The following ASAP1 variants were observed in gnomAD, a reference collection of about 807,000 sequenced individuals.
ASAP1 encodes arf-GAP with SH3 domain, ANK repeat and PH domain-containing protein 1.
ASAP1 carries 43 observed loss-of-function variants against 145.2 expected under a neutral mutation model. The ratio of observed to expected loss-of-function variants is 0.30; its 90% CI spans 0.23 to 0.38. The LOEUF (loss-of-function observed/expected upper bound fraction) is 0.38, where lower values mean the gene tolerates loss of function less well. ASAP1 is among the 10% of genes least tolerant of loss of function. ASAP1 has a pLI of 1.00. For synonymous variants in ASAP1, 546 were observed against 515.5 expected (o/e 1.06, Z -0.80); for missense variants, 1,018 against 1,355.3 (o/e 0.75, Z 3.91).
chr8:130,144,446 T>C (rs1451620469), intron 13 of ASAP1, among the ~76,000 whole-genome samples: 1 of 152,232 alleles, frequency 6.6e-6, no homozygotes, highest in East Asian at 1.9e-4. Flanking sequence ...AACTAACCTA[T>C]GTTTTACAAA....
chr8:130,239,367 A>G lies in ASAP1; in HGVS notation c.187-2373T>C, dbSNP rs538214913. Among the ~76,000 whole-genome samples, 4 of 152,270 alleles carry G rather than the reference A, an allele frequency of 2.6e-5. No homozygotes were observed. The East Asian group carries it at 7.7e-4, about 29-fold the overall frequency. ...TTAATTCTCACAAAAGTCCTGTGAA[A>G]TAAATATTCTTATTATATCCATTTT... On this transcript the variant is annotated intron_variant, in intron 3 of 29. Coordinates refer to ENST00000518721, the MANE Select transcript of ASAP1 (RefSeq NM_018482.4).
intron 1 of ASAP1, among the ~76,000 whole-genome samples, chr8:130,424,886 G>A (rs1009470066): frequency 1.3e-5 from 2 of 152,004 alleles, no homozygotes; most frequent in African/African-American, 2.4e-5. Context: ...CCAGCTACTC[G>A]GGAGGCTGAG....
intron 27 of ASAP1, among the ~76,000 whole-genome samples, chr8:130,070,288 T>C (rs550992979): frequency 3.9e-5 from 6 of 152,136 alleles, no homozygotes; most frequent in Admixed American, 6.5e-5. Flanking sequence ...CTGCCCACCT[T>C]GGCCTCTCAA....
intron 2 of ASAP1, among the ~76,000 whole-genome samples, chr8:130,393,648 C>T (rs1253521632): frequency 3.3e-5 from 5 of 152,058 alleles, no homozygotes; most frequent in African/African-American, 9.7e-5. Flanking sequence ...CCCAGCTGCT[C>T]GGGAGGCTGA....
chr8:130,431,983 G>A (rs1830151719), intron 1 of ASAP1, among the ~76,000 whole-genome samples: 1 of 125,890 alleles, frequency 7.9e-6, no homozygotes, highest in Non-Finnish European at 1.7e-5. Context: ...AGGGGAAGGG[G>A]AGGAAAGAAG....
chr8:130,172,870 TC>T (rs1188786600), intron 9 of ASAP1, among the ~76,000 whole-genome samples: 1 of 152,252 alleles, frequency 6.6e-6, no homozygotes, highest in African/African-American at 2.4e-5. Flanking sequence ...AAATTTACTT[TC>T]CTTCTGCTTC....
chr8:130,276,178 T>C (rs966764469), intron 3 of ASAP1, among the ~76,000 whole-genome samples: 4 of 152,202 alleles, frequency 2.6e-5, no homozygotes, highest in Admixed American at 6.5e-5. Context: ...ATGATGTTCC[T>C]GGGCACAGCA....
chr8:130,075,669 A>G (rs1050822995), intron 27 of ASAP1, among the ~76,000 whole-genome samples: 3 of 152,266 alleles, frequency 2.0e-5, no homozygotes, highest in African/African-American at 7.2e-5. Flanking sequence ...CAAAAAAGGC[A>G]TAACTATCAC....
intron 3 of ASAP1, among the ~76,000 whole-genome samples, chr8:130,308,536 T>C (rs1356235186): frequency 1.3e-5 from 2 of 152,224 alleles, no homozygotes; most frequent in Admixed American, 1.3e-4. Flanking sequence ...GATAAAACAA[T>C]AGTTTATAGT....
intron 4 of ASAP1, among the ~76,000 whole-genome samples, chr8:130,217,932 G>A (rs538382358): frequency 6.6e-6 from 1 of 152,204 alleles, no homozygotes; most frequent in South Asian, 2.1e-4. Flanking sequence ...GAAACGAAAT[G>A]AGGCCCTAGC....
At chr8:130,313,318 A>G (rs1452612585) in intron 3 of ASAP1, among the ~76,000 whole-genome samples, 1 of 152,196 alleles carries the variant, frequency 6.6e-6, no homozygotes, top group Non-Finnish European at 1.5e-5. Context: ...AAAAAAAAAA[A>G]AACTTTTAAA....
intron 1 of ASAP1, among the ~76,000 whole-genome samples, chr8:130,428,117 T>C (rs1288155534): frequency 2.0e-5 from 3 of 152,100 alleles, no homozygotes; most frequent in Non-Finnish European, 4.4e-5. Flanking sequence ...ACTTTGGGGA[T>C]TCCCTTTTCC....
intron 3 of ASAP1, among the ~76,000 whole-genome samples, chr8:130,352,212 GTTTTTTT>G (rs11420981): frequency 1.4e-5 from 2 of 139,684 alleles, no homozygotes; most frequent in East Asian, 4.1e-4. Context: ...CTTCCTAAGG[GTTTTTTT>G]TTTTTTTTTT....
At chr8:130,348,909 C>T (rs141027227) in intron 3 of ASAP1, among the ~76,000 whole-genome samples, 132 of 152,278 alleles carry the variant, frequency 8.7e-4, no homozygotes, top group African/African-American at 3.0e-3. Context: ...ACAGAGAAAA[C>T]AGCTCATTAC....
intron 1 of ASAP1, among the ~76,000 whole-genome samples, chr8:130,408,328 GT>G (rs1829123403): frequency 6.6e-6 from 1 of 152,222 alleles, no homozygotes; most frequent in Non-Finnish European, 1.5e-5. Context: ...CCTTCCCAAC[GT>G]GAGTGGGCAT....
chr8:130,251,143 C>T (rs1461287041), intron 3 of ASAP1, among the ~76,000 whole-genome samples: 1 of 152,150 alleles, frequency 6.6e-6, no homozygotes, highest in Non-Finnish European at 1.5e-5. Context: ...ATGGGCCAGG[C>T]GTGATGGCTC....
At chr8:130,285,101 T>C (rs890244901) in intron 3 of ASAP1, among the ~76,000 whole-genome samples, 4 of 152,084 alleles carry the variant, frequency 2.6e-5, no homozygotes, top group African/African-American at 9.7e-5. Context: ...AGCAACACTT[T>C]GGAGTGAATT....
intron 12 of ASAP1, among the ~76,000 whole-genome samples, chr8:130,155,521 T>G (rs1032165118): frequency 6.6e-6 from 1 of 152,178 alleles, no homozygotes; most frequent in Non-Finnish European, 1.5e-5. Flanking sequence ...CATGTGCCAC[T>G]ACGCCTGGCT....
chr8:130,187,414 T>C, intron 6 of ASAP1, 129 bp from the exon 7 acceptor site: 1 of 737,382 alleles, frequency 1.4e-6, no homozygotes, highest in Non-Finnish European at 2.2e-6. Context: ...TTATGCACGT[T>C]ACACCATTTT....
Sources: gnomAD v4.1 joint callset for allele counts (sites outside exome capture counted in the v4.1 genomes callset) on GRCh38, gnomAD v4.1.1 for gene constraint, MANE v1.5 for transcripts, NCBI Gene and HGNC (gene_info 2026-07-23, HGNC 2026-07-21) for gene names.